GSG1L: variants seen among roughly 807,000 people sequenced by gnomAD.
GSG1L encodes germ cell-specific gene 1-like protein.
A neutral mutation model predicts 42.1 loss-of-function variants in GSG1L; 24 were observed. The ratio of observed to expected loss-of-function variants is 0.57; its 90% CI spans 0.41 to 0.80. GSG1L has a LOEUF of 0.80. Among genes scored for constraint, GSG1L ranks in the 30% least tolerant of loss-of-function variants. GSG1L has a pLI of 0.00. For missense variants in GSG1L, 445 were observed against 472.2 expected (o/e 0.94, Z 0.53); for synonymous variants, 215 against 203.5 (o/e 1.06, Z -0.48).
At chr16:27,830,884 C>T (rs1007720599) in intron 4 of GSG1L, among the ~76,000 whole-genome samples, 1 of 152,244 alleles carries the variant, frequency 6.6e-6, no homozygotes, top group Non-Finnish European at 1.5e-5. Context: ...GTTGGTTTTG[C>T]CTGCTCAGTA....
At chr16:27,870,975 C>T (rs1375475950) in intron 3 of GSG1L, among the ~76,000 whole-genome samples, 1 of 149,040 alleles carries the variant, frequency 6.7e-6, no homozygotes, top group Non-Finnish European at 1.5e-5. Context: ...TCACCCTGAC[C>T]TTGTCACTCC....
At chr16:27,882,112 TG>T (rs1307678281) in intron 3 of GSG1L, among the ~76,000 whole-genome samples, 20 of 152,282 alleles carry the variant, frequency 1.3e-4, no homozygotes, top group Non-Finnish European at 1.8e-4. Context: ...AATTGAATCA[TG>T]GGGGCGGGTC....
At chr16:28,061,272 C>T (rs1314235964) in intron 1 of GSG1L, among the ~76,000 whole-genome samples, 2 of 152,140 alleles carry the variant, frequency 1.3e-5, no homozygotes, top group Non-Finnish European at 2.9e-5. Flanking sequence ...TTGGGCTGTG[C>T]GGAAGGCAGG....
chr16:27,897,167 A>G (rs1444127350), intron 2 of GSG1L, among the ~76,000 whole-genome samples: 2 of 152,050 alleles, frequency 1.3e-5, no homozygotes, highest in African/African-American at 4.8e-5. Flanking sequence ...CCCAGCCAAC[A>G]CTGATTTTTA....
chr16:28,062,274 G>A (rs557679178), intron 1 of GSG1L, among the ~76,000 whole-genome samples: 40 of 152,188 alleles, frequency 2.6e-4, no homozygotes, highest in Non-Finnish European at 5.3e-4. Flanking sequence ...GGCTGCCTCT[G>A]GAGGGTAGAG....
At chr16:27,939,839 T>C (rs2084766691) in intron 2 of GSG1L, among the ~76,000 whole-genome samples, 1 of 152,154 alleles carries the variant, frequency 6.6e-6, no homozygotes, top group Non-Finnish European at 1.5e-5. Context: ...TTTTTTTTAT[T>C]GTTGTTGTTG....
intron 1 of GSG1L, among the ~76,000 whole-genome samples, chr16:28,047,781 G>A (rs935712010): frequency 4.6e-5 from 7 of 152,142 alleles, no homozygotes; most frequent in Non-Finnish European, 1.0e-4. Context: ...ATCTTCTTGT[G>A]ATGAACAACA....
chr16:27,811,533 T>C lies in GSG1L; in HGVS notation c.831-3979A>G, dbSNP rs919611629. ...CCTGGCCACATCCAGCACCTCTAGG[T>C]CAACAGAGGCCTGTCCTATTGCATA... On this transcript the variant is annotated intron_variant, in intron 5 of 6. Coordinates refer to ENST00000447459, the MANE Select transcript of GSG1L (RefSeq NM_001109763.2). Among the ~76,000 whole-genome samples the C allele has an allele frequency of 3.3e-5, 5 of 152,298 alleles. No individual in the cohort carries two copies. The East Asian group carries it at 9.6e-4, about 29-fold the overall frequency.
At chr16:28,008,103 G>A (rs2085666773) in intron 1 of GSG1L, among the ~76,000 whole-genome samples, 2 of 151,890 alleles carry the variant, frequency 1.3e-5, no homozygotes, top group South Asian at 4.2e-4. Flanking sequence ...TTTTTTTAGA[G>A]ATTGAGTCTC....
At position 27,914,429 on chromosome 16, in the gene GSG1L, C is replaced by G. The variant is rs146178847; in HGVS notation, c.398-29791G>C. Among the ~76,000 whole-genome samples, 924 of 152,268 alleles carry G rather than the reference C, an allele frequency of 6.1e-3. 12 individuals are homozygous for G. The highest frequency in any genetic ancestry group is 0.021 in the African/African-American group (867 of 41,556). ...TTATGAAGAATGGAAAAATGGTTCT[C>G]TCTCCGAGCCTCAGTTTCCTGATAT... is the stretch of plus-strand genomic sequence containing the variant. On this transcript the variant is annotated intron_variant, in intron 2 of 6. Transcript: ENST00000447459.
At position 28,063,431 on chromosome 16, in the gene GSG1L, C is replaced by CGCGCCGCCGGGACGGGACT; in HGVS notation, c.-26_-8dup. 8.0e-7 allele frequency: 1 copy of CGCGCCGCCGGGACGGGACT among 1,256,776 alleles called. No individual in the cohort carries two copies. Among genetic ancestry groups the CGCGCCGCCGGGACGGGACT allele is most frequent in the Non-Finnish European group, 1.0e-6 (1 of 996,374 alleles). 77.9% of individuals were successfully genotyped at this position (1,256,776 alleles called of 1,614,324 possible). ...CGCGGCGGCTAGTCTTCATGCCGCCCGCGCCGCCGGGACGGGACTGCACCG... is the reference window on the plus strand; with the variant it reads ...CGCGGCGGCTAGTCTTCATGCCGCCCGCGCCGCCGGGACGGGACTGCGCCGCCGGGACGGGACTGCACCG... On this transcript the variant is annotated 5_prime_UTR_variant, in exon 1 of 7. Coordinates refer to ENST00000447459, the MANE Select transcript of GSG1L (RefSeq NM_001109763.2). This position sits in a 1 kb window ranked among gnomAD's most constrained non-coding sequence, Gnocchi z 5.8.
chr16:27,995,619 C>T (rs1020828726), intron 1 of GSG1L, among the ~76,000 whole-genome samples: 1 of 152,028 alleles, frequency 6.6e-6, no homozygotes, highest in Non-Finnish European at 1.5e-5. Flanking sequence ...TAATTGTCTC[C>T]CCCAAGGTTA....
intron 1 of GSG1L, among the ~76,000 whole-genome samples, chr16:28,003,336 A>G (rs562450842): frequency 5.9e-5 from 9 of 152,336 alleles, no homozygotes; most frequent in Non-Finnish European, 1.3e-4. Flanking sequence ...AGCAGCAGGG[A>G]CTGCAGGGGA....
chr16:28,009,275 A>G (rs917489214), intron 1 of GSG1L, among the ~76,000 whole-genome samples: 1 of 152,066 alleles, frequency 6.6e-6, no homozygotes, highest in East Asian at 1.9e-4. Flanking sequence ...AGGCTCAGAC[A>G]TTGCACCTGC....
At position 27,950,430 on chromosome 16, in the gene GSG1L, A is replaced by G. The variant is rs144060606; in HGVS notation, c.397+12726T>C. Among the ~76,000 whole-genome samples the G allele has an allele frequency of 3.6e-3, 544 of 152,296 alleles. 4 individuals are homozygous for G. The highest frequency in any genetic ancestry group is 4.3e-3 in the Non-Finnish European group (293 of 68,028). On this transcript the variant is annotated intron_variant, in intron 2 of 6. Transcript: ENST00000447459. ...TTAGATGTTGTGATCTCCAGGAGCA[A>G]TCTTCCACCAGGCTTAGGGATTTAA...
intron 3 of GSG1L, among the ~76,000 whole-genome samples, chr16:27,876,008 A>T (rs1326815290): frequency 6.6e-6 from 1 of 152,192 alleles, no homozygotes; most frequent in Non-Finnish European, 1.5e-5. Context: ...GAACCAACAG[A>T]TTTCCAGCAT....
rs1219637722 is a variant in GSG1L, at chr16:28,063,387, A to G, written c.38T>C (p.Val13Ala). The G allele has an allele frequency of 1.0e-4, 141 of 1,376,894 alleles. No homozygotes were observed. Among genetic ancestry groups the G allele is most frequent in the Non-Finnish European group, 1.3e-4 (136 of 1,056,256 alleles). 85.3% of individuals were successfully genotyped at this position (1,376,894 alleles called of 1,614,324 possible). A position where few individuals can be genotyped will look rare whatever the true frequency, so the allele number is the denominator to read the frequency against. Residue 13 changes from valine (V) to alanine (A), a missense_variant, in exon 1 of 7, where the codon GTG becomes GCG. Coordinates refer to ENST00000447459, the MANE Select transcript of GSG1L (RefSeq NM_001109763.2). The surrounding 1 kb of genome is among the most constrained non-coding windows in gnomAD (Gnocchi z 5.8). ...TSRRGRALLAVALNLLALLFA... is the reference protein window; with the variant it reads ...TSRRGRALLAAALNLLALLFA... ...CAGCAGCGCCAGCAGGTTCAGGGCC[A>G]CGGCCAGGAGCGCTCGGCCGCGGCG...
rs996563214 is a variant in GSG1L at position 28,059,389 on chromosome 16, G to A, written c.349+3687C>T. Among the ~76,000 whole-genome samples, 6 of 151,802 alleles carry A rather than the reference G, an allele frequency of 4.0e-5. No individual in the cohort carries two copies. The highest frequency in any genetic ancestry group is 1.3e-4 in the Admixed American group (2 of 15,238). ...GGTCTTCTGGCTTCACACCCACCCC[G>A]TCACCACCCAGCCCTGGGACTGGTC... is the stretch of plus-strand genomic sequence containing the variant. On this transcript the variant is annotated intron_variant, in intron 1 of 6. Transcript: ENST00000447459. The surrounding 1 kb of genome is among the most constrained non-coding windows in gnomAD (Gnocchi z 4.4).
chr16:27,881,343 G>A (rs2083953139), intron 3 of GSG1L, among the ~76,000 whole-genome samples: 1 of 146,870 alleles, frequency 6.8e-6, no homozygotes, highest in Non-Finnish European at 1.5e-5. Context: ...CTGGGTTCAA[G>A]TGATTCTCCT....
Sources: allele counts gnomAD v4.1 joint callset (sites outside exome capture counted in the v4.1 genomes callset), GRCh38; gene constraint gnomAD v4.1.1; non-coding constraint Gnocchi (gnomAD v3.1); transcripts MANE v1.5; gene names NCBI Gene and HGNC (gene_info 2026-07-23, HGNC 2026-07-21).